Variants in GTF2F2 observed in about 807,000 individuals in gnomAD.
The protein encoded by GTF2F2 is general transcription factor IIF subunit 2, also known as ATP-dependent helicase GTF2F2.
Under a neutral mutation model 42.2 loss-of-function variants are expected in GTF2F2, and 23 were observed. That is an observed-to-expected ratio of 0.55 (90% CI 0.39 to 0.77). The LOEUF is 0.77. GTF2F2 is among the 30% of genes least tolerant of loss of function. GTF2F2 has a pLI of 0.00. For synonymous variants in GTF2F2, 105 were observed against 100.8 expected (o/e 1.04, Z -0.25); for missense variants, 261 against 287.2 (o/e 0.91, Z 0.66).
chr13:45,160,673 C>T (rs1173918507), intron 4 of GTF2F2, among the ~76,000 whole-genome samples: 3 of 151,730 alleles, frequency 2.0e-5, no homozygotes, highest in African/African-American at 4.8e-5. Flanking sequence ...TATAGGGGAG[C>T]TGTTAAGTTT....
intron 5 of GTF2F2, among the ~76,000 whole-genome samples, chr13:45,246,029 A>C (rs1158712877): frequency 0.01 from 1 of 96 alleles, no homozygotes; most frequent in African/African-American, 0.028. Flanking sequence ...ATTTATTTTG[A>C]GACGGAGCTC....
chr13:45,153,011 A>AT (rs374461737), intron 4 of GTF2F2, among the ~76,000 whole-genome samples: 2,493 of 141,672 alleles, frequency 0.018, 36 homozygotes, highest in African/African-American at 0.041. Context: ...ATCCTCGTAA[A>AT]TTTTTTTTTT....
chr13:45,227,050 T>C (rs1874394772), intron 5 of GTF2F2, among the ~76,000 whole-genome samples: 1 of 152,070 alleles, frequency 6.6e-6, no homozygotes, highest in African/African-American at 2.4e-5. Context: ...CAGTGAGCTG[T>C]GATCATGCCA....
chr13:45,165,970 C>T (rs565517268), intron 4 of GTF2F2, among the ~76,000 whole-genome samples: 1 of 151,826 alleles, frequency 6.6e-6, no homozygotes, highest in African/African-American at 2.4e-5. Context: ...CCCGCCCCTA[C>T]GCCTGGCTAA....
At chr13:45,163,327 G>C (rs1871123138) in intron 4 of GTF2F2, among the ~76,000 whole-genome samples, 1 of 152,012 alleles carries the variant, frequency 6.6e-6, no homozygotes, top group African/African-American at 2.4e-5. Flanking sequence ...CAATTAAAAT[G>C]TAAATTACTT....
rs896898960 is a variant in GTF2F2 at position 45,151,906 on chromosome 13, A to G, written c.304+75A>G. The G allele has an allele frequency of 9.2e-5, 24 of 261,052 alleles. No homozygotes were observed. In the South Asian group the frequency reaches 1.3e-3, roughly 14 times the overall value. 16.2% of individuals were successfully genotyped at this position (261,052 alleles called of 1,614,324 possible). ...ATTTTCTGTCTCAACATACACTCCTATTTGCTTTTTTTTTTTTTTTTTTTT... is the reference window on the plus strand; with the variant it reads ...ATTTTCTGTCTCAACATACACTCCTGTTTGCTTTTTTTTTTTTTTTTTTTT... On this transcript the variant is annotated intron_variant, in intron 4 of 7. Transcript: ENST00000340473.
chr13:45,258,735 T>G (rs2138254380), intron 6 of GTF2F2, among the ~76,000 whole-genome samples: 1 of 152,376 alleles, frequency 6.6e-6, no homozygotes, highest in Non-Finnish European at 1.5e-5. Flanking sequence ...TACTCTTTCA[T>G]CCCTTTAAAA....
In GTF2F2 at chr13:45,228,283, C is replaced by CTTTTTTTTTTTTTTTTTT. The variant is rs372901327; in HGVS notation, c.386+20794_386+20795insTTTTTTTTTTTTTTTTTT. Among the ~76,000 whole-genome samples the CTTTTTTTTTTTTTTTTTT allele has an allele frequency of 5.1e-4, 47 of 92,714 alleles. 2 individuals carry two copies. The highest frequency in any genetic ancestry group is 1.1e-3 in the African/African-American group (20 of 17,640). 60.8% of individuals were successfully genotyped at this position (92,714 alleles called of 152,430 possible). A position where few individuals can be genotyped will look rare whatever the true frequency, so the allele number is the denominator to read the frequency against. On this transcript the variant is annotated intron_variant, in intron 5 of 7. Transcript: ENST00000340473. ...TTTCCTTATTGCTGCCAGAGTTAATCTTTTTTTTTTTTTTTTGGAGACGGA... is the reference window on the plus strand; with the variant it reads ...TTTCCTTATTGCTGCCAGAGTTAATCTTTTTTTTTTTTTTTTTTTTTTTTTTTTTTTTTTGGAGACGGA...
intron 7 of GTF2F2, among the ~76,000 whole-genome samples, chr13:45,273,681 G>GTT (rs1876900696): frequency 1.3e-5 from 1 of 77,324 alleles, no homozygotes; most frequent in Non-Finnish European, 2.5e-5. Flanking sequence ...TTGAGACGGA[G>GTT]TCTTGTTCTG....
chr13:45,134,462 G>A (rs1017259178), intron 1 of GTF2F2, among the ~76,000 whole-genome samples: 4 of 152,128 alleles, frequency 2.6e-5, no homozygotes, highest in Non-Finnish European at 5.9e-5. Flanking sequence ...AGTCCTGAGG[G>A]CATCATTTGA....
chr13:45,210,896 T>G (rs1293580101), intron 5 of GTF2F2, among the ~76,000 whole-genome samples: 4 of 152,224 alleles, frequency 2.6e-5, no homozygotes, highest in Non-Finnish European at 4.4e-5. Flanking sequence ...AGCTGGGAGA[T>G]AAGCTTGAAG....
At chr13:45,185,087 T>G (rs1872355230) in intron 4 of GTF2F2, among the ~76,000 whole-genome samples, 1 of 152,170 alleles carries the variant, frequency 6.6e-6, no homozygotes, top group African/African-American at 2.4e-5. Flanking sequence ...CCTTTGAAAG[T>G]GCCTGGATTA....
intron 1 of GTF2F2, among the ~76,000 whole-genome samples, chr13:45,125,486 A>AT (rs1868942725): frequency 1.3e-5 from 2 of 151,812 alleles, no homozygotes; most frequent in Non-Finnish European, 2.9e-5. Context: ...CACCCAGCTA[A>AT]TTTTTGTATT....
rs563342067 is a variant in GTF2F2, at chr13:45,190,375, G to C, written c.305-17049G>C. ...AGGCAAACCTATATTTTGGTATTCT[G>C]TATTCAACACCTACCTTGTGAATGC... On this transcript the variant is annotated intron_variant, in intron 4 of 7. Coordinates refer to ENST00000340473, the MANE Select transcript of GTF2F2 (RefSeq NM_004128.3). Among the ~76,000 whole-genome samples, 10 of 152,260 alleles carry C rather than the reference G, an allele frequency of 6.6e-5. No individual in the cohort carries two copies. In the South Asian group the frequency reaches 1.9e-3, roughly 28 times the overall value.
At chr13:45,264,318 G>T (rs1876476351) in intron 6 of GTF2F2, among the ~76,000 whole-genome samples, 1 of 150,568 alleles carries the variant, frequency 6.6e-6, no homozygotes, top group Non-Finnish European at 1.5e-5. Context: ...GAGTCACTCT[G>T]TTGCTGAGAG....
chr13:45,187,736 T>C (rs1872484227), intron 4 of GTF2F2, among the ~76,000 whole-genome samples: 1 of 152,254 alleles, frequency 6.6e-6, no homozygotes, highest in Non-Finnish European at 1.5e-5. Context: ...CTAAGTTGCA[T>C]GCTGTTTTGG....
chr13:45,220,448 A>C, intron 5 of GTF2F2, among the ~76,000 whole-genome samples: 1 of 152,172 alleles, frequency 6.6e-6, no homozygotes. Context: ...AGAAATTGGC[A>C]CAGGCAGTAA....
chr13:45,140,438 A>G (rs1304190519), intron 2 of GTF2F2, among the ~76,000 whole-genome samples: 3 of 152,178 alleles, frequency 2.0e-5, no homozygotes, highest in South Asian at 2.1e-4. Context: ...TTCTAACTCA[A>G]TCATTTACTA....
chr13:45,172,508 C>G (rs1871648590), intron 4 of GTF2F2, among the ~76,000 whole-genome samples: 1 of 152,060 alleles, frequency 6.6e-6, no homozygotes, highest in Non-Finnish European at 1.5e-5. Context: ...TTTTACTTTT[C>G]TGATGGTATT....
Sources: allele counts gnomAD v4.1 joint callset (sites outside exome capture counted in the v4.1 genomes callset), GRCh38; gene constraint gnomAD v4.1.1; transcripts MANE v1.5; gene names NCBI Gene and HGNC (gene_info 2026-07-23, HGNC 2026-07-21).